NEDD4: variants seen among roughly 807,000 people sequenced by gnomAD.
NEDD4 encodes E3 ubiquitin-protein ligase NEDD4.
NEDD4 carries 99 observed loss-of-function variants against 144.9 expected under a neutral mutation model. The ratio of observed to expected loss-of-function variants is 0.68; its 90% CI spans 0.58 to 0.81. The LOEUF (loss-of-function observed/expected upper bound fraction) is 0.81. Among genes scored for constraint, NEDD4 ranks in the 30% least tolerant of loss-of-function variants. The pLI is 0.00. For synonymous variants in NEDD4, 318 were observed against 350.6 expected (o/e 0.91, Z 1.04); for missense variants, 985 against 1,065.9 (o/e 0.92, Z 1.06).
intron 2 of NEDD4, among the ~76,000 whole-genome samples, chr15:55,966,075 T>C (rs1358666995): frequency 6.6e-6 from 1 of 152,210 alleles, no homozygotes; most frequent in Non-Finnish European, 1.5e-5. Flanking sequence ...AGGAACTCAC[T>C]CAGTACAATT....
At chr15:55,909,421 C>G (rs991722674) in intron 5 of NEDD4, among the ~76,000 whole-genome samples, 3 of 152,200 alleles carry the variant, frequency 2.0e-5, no homozygotes, top group Non-Finnish European at 4.4e-5. Context: ...TACTGTATCT[C>G]TAAGTATCTG....
chr15:55,835,324 A>G (rs1192809792), intron 24 of NEDD4, among the ~76,000 whole-genome samples: 1 of 151,836 alleles, frequency 6.6e-6, no homozygotes, highest in Non-Finnish European at 1.5e-5. Context: ...GTATGATATG[A>G]TTAAAACCAT....
chr15:55,850,073 C>T (rs1409868256), intron 14 of NEDD4, among the ~76,000 whole-genome samples: 1 of 152,188 alleles, frequency 6.6e-6, no homozygotes, highest in South Asian at 2.1e-4. Context: ...GCTGGGATTA[C>T]AGGCATGAGC....
chr15:55,961,002 C>T (rs1182922380), intron 2 of NEDD4, among the ~76,000 whole-genome samples: 5 of 152,186 alleles, frequency 3.3e-5, no homozygotes, highest in African/African-American at 4.8e-5. Flanking sequence ...AGTTGCCTCC[C>T]GTGTCTCACC....
intron 8 of NEDD4, among the ~76,000 whole-genome samples, chr15:55,864,679 T>A: frequency 9.2e-6 from 1 of 108,824 alleles, no homozygotes. Flanking sequence ...TGAAACTCTG[T>A]CTCATAAGAA....
At chr15:55,923,996 AG>A (rs531744894) in intron 5 of NEDD4, among the ~76,000 whole-genome samples, 295 of 152,274 alleles carry the variant, frequency 1.9e-3, no homozygotes, top group Non-Finnish European at 3.8e-3. Context: ...TGCTAAGATG[AG>A]GGTTTGAGAT....
At position 55,850,871 on chromosome 15, in the gene NEDD4, G is replaced by C. The variant is rs560554890; in HGVS notation, c.1147-129C>G. 3.3e-5 allele frequency: 23 copies of C among 706,910 alleles called. No homozygotes were observed. In the East Asian group the frequency reaches 6.7e-4, roughly 20 times the overall value. The allele number at this position is 706,910 out of a possible 1,614,324, so 43.8% of individuals were successfully genotyped here. A position where few individuals can be genotyped will look rare whatever the true frequency, so the allele number is the denominator to read the frequency against. ...ATTAAAGAGACTCTAAATATTTGAG[G>C]CTCATTTTCAAATGTAGTTATGGCA... is the stretch of plus-strand genomic sequence containing the variant. On this transcript the variant is annotated intron_variant, in intron 13 of 28. Transcript: ENST00000435532.
chr15:55,930,505 C>A (rs1308617391), intron 4 of NEDD4, among the ~76,000 whole-genome samples: 1 of 152,108 alleles, frequency 6.6e-6, no homozygotes, highest in Admixed American at 6.6e-5. Context: ...TAGTTGGAAT[C>A]CCCAAATGAT....
At chr15:55,976,869 C>G (rs1304694064) in intron 1 of NEDD4, among the ~76,000 whole-genome samples, 1 of 152,012 alleles carries the variant, frequency 6.6e-6, no homozygotes, top group African/African-American at 2.4e-5. Context: ...TCCTGACCTC[C>G]TGATCCACCC....
intron 1 of NEDD4, among the ~76,000 whole-genome samples, chr15:55,970,981 G>A (rs977175004): frequency 4.6e-5 from 7 of 152,266 alleles, no homozygotes; most frequent in Admixed American, 2.6e-4. Context: ...ACAGAGATAC[G>A]TGAACTCTCA....
At chr15:55,971,532 G>T (rs1216902355) in intron 1 of NEDD4, among the ~76,000 whole-genome samples, 2 of 150,822 alleles carry the variant, frequency 1.3e-5, no homozygotes, top group African/African-American at 4.9e-5. Context: ...GGCTGAGGCA[G>T]GAGAAATGCT....
chr15:55,988,474 TAAAAA>T (rs71441419), intron 1 of NEDD4, among the ~76,000 whole-genome samples: 1 of 37,736 alleles, frequency 2.6e-5, no homozygotes, highest in African/African-American at 9.3e-5. Context: ...TAGAGTATAA[TAAAAA>T]AAAAAATTAA....
chr15:55,869,889 A>AAATCAATCAATCAATC (rs146081341), intron 7 of NEDD4, among the ~76,000 whole-genome samples: 2 of 149,872 alleles, frequency 1.3e-5, no homozygotes, highest in African/African-American at 4.9e-5. Context: ...ATAAATAAAT[A>AAATCAATCAATCAATC]AATAATTGTT....
intron 1 of NEDD4, among the ~76,000 whole-genome samples, chr15:55,979,193 T>A (rs950219775): frequency 6.6e-6 from 1 of 151,726 alleles, no homozygotes; most frequent in East Asian, 1.9e-4. Flanking sequence ...CAAAAAGTAA[T>A]TATTATTATA....
In NEDD4 at chr15:55,828,070, G is replaced by C. The variant is rs1255344104; in HGVS notation, c.*1827C>G. On this transcript the variant is annotated 3_prime_UTR_variant, in exon 29 of 29. Coordinates refer to ENST00000435532, the MANE Select transcript of NEDD4 (RefSeq NM_006154.4). ...AGGACTATACCTGGTGCTCATCCTT[G>C]ACTGCTGGTTGACAATGGTGAAGAC... 2.0e-5 allele frequency: 3 copies of C among 152,178 alleles called. No individual in the cohort carries two copies. The allele number at this position is 152,178 out of a possible 1,614,324, so 9.4% of individuals were successfully genotyped here.
chr15:55,964,442 TTCAAA>T (rs546677135), intron 2 of NEDD4, among the ~76,000 whole-genome samples: 25 of 152,262 alleles, frequency 1.6e-4, no homozygotes, highest in Admixed American at 2.6e-4. Flanking sequence ...CAATTTTAAT[TTCAAA>T]TGCTGTATTT....
chr15:55,883,580 C>T (rs1416845105), intron 5 of NEDD4, among the ~76,000 whole-genome samples: 1 of 152,034 alleles, frequency 6.6e-6, no homozygotes, highest in African/African-American at 2.4e-5. Context: ...TTGGGCGAGA[C>T]TCAGTGCTGT....
At chr15:55,928,476 T>C (rs1465356472) in intron 4 of NEDD4, among the ~76,000 whole-genome samples, 2 of 152,228 alleles carry the variant, frequency 1.3e-5, no homozygotes, top group Admixed American at 6.5e-5. Flanking sequence ...CAATTTCCCT[T>C]TCTGGCCTTG....
chr15:55,932,181 A>G (rs1379168764), intron 4 of NEDD4, among the ~76,000 whole-genome samples: 4 of 152,188 alleles, frequency 2.6e-5, no homozygotes, highest in Non-Finnish European at 5.9e-5. Flanking sequence ...GAGTTGTAAT[A>G]AGATCTGATG....
Sources: allele counts gnomAD v4.1 joint callset (sites outside exome capture counted in the v4.1 genomes callset), GRCh38; gene constraint gnomAD v4.1.1; transcripts MANE v1.5; gene names NCBI Gene and HGNC (gene_info 2026-07-23, HGNC 2026-07-21).